Variants in PTPRD observed in about 807,000 individuals in gnomAD.
The protein encoded by PTPRD is protein tyrosine phosphatase receptor type D.
A neutral mutation model predicts 214.5 loss-of-function variants in PTPRD; 34 were observed. The ratio of observed to expected loss-of-function variants is 0.16; its 90% CI spans 0.12 to 0.21. PTPRD has a LOEUF of 0.21. PTPRD is among the 10% of genes least tolerant of loss of function. The probability of loss-of-function intolerance (pLI) is 1.00; values close to 1 mark genes in which losing one functional copy is unlikely to be tolerated. For synonymous variants in PTPRD, 1,128 were observed against 845.7 expected (o/e 1.33, Z -5.79); for missense variants, 2,545 against 2,398.7 (o/e 1.06, Z -1.27).
At position 10,126,953 on chromosome 9, in the gene PTPRD, T is replaced by G. The variant is rs1025456448; in HGVS notation, c.-544-93163A>C. Among the ~76,000 whole-genome samples, 115 of 151,784 alleles carry G rather than the reference T, an allele frequency of 7.6e-4. 3 individuals carry two copies. Among genetic ancestry groups the G allele is most frequent in the African/African-American group, 2.5e-3 (102 of 41,270 alleles). On this transcript the variant is annotated intron_variant, in intron 3 of 45. Transcript: ENST00000381196. The stretch of plus-strand genomic sequence containing the variant: ...CTCTGAGTCTCAAATGGACTTTTTT[T>G]TTTTTTTTTTGGCAGAAACACTGCA...
At chr9:9,422,193 T>A (rs777412918) in intron 8 of PTPRD, among the ~76,000 whole-genome samples, 1 of 152,114 alleles carries the variant, frequency 6.6e-6, no homozygotes, top group Non-Finnish European at 1.5e-5. Flanking sequence ...AATTATTATC[T>A]TTATTTTAAA....
At chr9:8,432,102 G>A (rs1333261120) in intron 35 of PTPRD, among the ~76,000 whole-genome samples, 1 of 152,162 alleles carries the variant, frequency 6.6e-6, no homozygotes, top group Non-Finnish European at 1.5e-5. Flanking sequence ...CTAAGATTTT[G>A]TTTGGCAAGG....
At chr9:9,307,751 A>G (rs1957580146) in intron 9 of PTPRD, among the ~76,000 whole-genome samples, 1 of 152,206 alleles carries the variant, frequency 6.6e-6, no homozygotes, top group Non-Finnish European at 1.5e-5. Context: ...TTAAAATTCA[A>G]AATCCTTAGC....
At chr9:10,293,982 A>G (rs1471087322) in intron 3 of PTPRD, among the ~76,000 whole-genome samples, 1 of 151,924 alleles carries the variant, frequency 6.6e-6, no homozygotes, top group East Asian at 1.9e-4. Flanking sequence ...TGTGTGACAG[A>G]TTTTCACTGA....
intron 3 of PTPRD, among the ~76,000 whole-genome samples, chr9:10,060,803 C>CTTTCTTT (rs1555531077): frequency 2.2e-4 from 23 of 103,238 alleles, no homozygotes; most frequent in African/African-American, 2.2e-3. Flanking sequence ...TTTCTTTCTT[C>CTTTCTTT]CTTTCTTTCT....
At position 9,591,866 on chromosome 9, in the gene PTPRD, T is replaced by C. The variant is rs188616677; in HGVS notation, c.-286-17085A>G. ...CCATTTTGAAATATACAATACATTG[T>C]CAACTATAGGCACTCTACTGTGTAG... is the stretch of plus-strand genomic sequence containing the variant. On this transcript the variant is annotated intron_variant, in intron 7 of 45. Coordinates refer to ENST00000381196, the MANE Select transcript of PTPRD (RefSeq NM_002839.4). Among the ~76,000 whole-genome samples the C allele has an allele frequency of 5.2e-3, 788 of 152,160 alleles. 4 individuals carry two copies. Among genetic ancestry groups the C allele is most frequent in the Non-Finnish European group, 7.1e-3 (483 of 67,976 alleles).
intron 5 of PTPRD, among the ~76,000 whole-genome samples, chr9:9,888,670 C>T (rs2071944154): frequency 6.6e-6 from 1 of 152,114 alleles, no homozygotes; most frequent in Non-Finnish European, 1.5e-5. Context: ...CGAAAGCTTC[C>T]TGAAGCCCTC....
intron 5 of PTPRD, among the ~76,000 whole-genome samples, chr9:9,820,659 A>G (rs2050395661): frequency 6.6e-6 from 1 of 152,056 alleles, no homozygotes; most frequent in African/African-American, 2.4e-5. Context: ...TTAATTTTAC[A>G]TATGGCAAAA....
chr9:9,619,926 T>C (rs1373219683), intron 7 of PTPRD, among the ~76,000 whole-genome samples: 1 of 151,060 alleles, frequency 6.6e-6, no homozygotes, highest in Non-Finnish European at 1.5e-5. Context: ...ATATGTAATA[T>C]AGATAGATAT....
intron 11 of PTPRD, among the ~76,000 whole-genome samples, chr9:8,923,964 A>G (rs2098845914): frequency 6.6e-6 from 1 of 152,250 alleles, no homozygotes; most frequent in South Asian, 2.1e-4. Flanking sequence ...AAACTGTATT[A>G]TACCATTTAC....
At chr9:8,663,896 T>G (rs948842681) in intron 12 of PTPRD, among the ~76,000 whole-genome samples, 2 of 145,166 alleles carry the variant, frequency 1.4e-5, no homozygotes, top group African/African-American at 5.0e-5. Context: ...CAAAGTGCAT[T>G]AAAAAAAAAA....
chr9:8,467,625 A>C (rs1349414295), intron 31 of PTPRD, among the ~76,000 whole-genome samples: 1 of 151,930 alleles, frequency 6.6e-6, no homozygotes, highest in African/African-American at 2.4e-5. Flanking sequence ...AATTTACTTA[A>C]TGATTACACA....
chr9:9,238,488 C>T (rs546802086), intron 9 of PTPRD, among the ~76,000 whole-genome samples: 20 of 152,032 alleles, frequency 1.3e-4, no homozygotes, highest in Admixed American at 1.0e-3. Context: ...AGGAAGGCCT[C>T]GGGCATCTGA....
In PTPRD at chr9:9,572,245, A is replaced by C. The variant is rs112620471; in HGVS notation, c.-237+2487T>G. ...AAAGCCATTATTTTTGGTGTTTCTCAAACTATGTTGTGAAAATACTTCTAT... is the reference window on the plus strand; with the variant it reads ...AAAGCCATTATTTTTGGTGTTTCTCCAACTATGTTGTGAAAATACTTCTAT... On this transcript the variant is annotated intron_variant, in intron 8 of 45. Coordinates refer to ENST00000381196, the MANE Select transcript of PTPRD (RefSeq NM_002839.4). Among the ~76,000 whole-genome samples, 1,181 of 151,548 alleles carry C rather than the reference A, an allele frequency of 7.8e-3. 6 individuals carry two copies. The highest frequency in any genetic ancestry group is 0.013 in the Non-Finnish European group (889 of 67,488).
chr9:8,365,652 T>C (rs2079643804), intron 39 of PTPRD, among the ~76,000 whole-genome samples: 1 of 152,126 alleles, frequency 6.6e-6, no homozygotes, highest in Non-Finnish European at 1.5e-5. Context: ...GAGTTGTTGT[T>C]TTCCCATCCA....
At chr9:8,549,364 G>A (rs1056263476) in intron 14 of PTPRD, among the ~76,000 whole-genome samples, 1 of 152,080 alleles carries the variant, frequency 6.6e-6, no homozygotes, top group African/African-American at 2.4e-5. Flanking sequence ...AAAGACACAA[G>A]AAGAGACAGA....
intron 3 of PTPRD, among the ~76,000 whole-genome samples, chr9:10,066,600 C>T (rs1299004381): frequency 3.3e-5 from 5 of 151,830 alleles, no homozygotes; most frequent in African/African-American, 1.2e-4. Flanking sequence ...GGACTTCCTA[C>T]TGCATAGCTT....
intron 3 of PTPRD, among the ~76,000 whole-genome samples, chr9:10,216,830 A>C (rs1324964998): frequency 6.6e-6 from 1 of 151,938 alleles, no homozygotes; most frequent in African/African-American, 2.4e-5. Flanking sequence ...TCAATAGCAA[A>C]ATTCTGCAAT....
intron 5 of PTPRD, among the ~76,000 whole-genome samples, chr9:9,779,323 G>C (rs2154488531): frequency 6.6e-6 from 1 of 152,064 alleles, no homozygotes; most frequent in African/African-American, 2.4e-5. Flanking sequence ...AGTTCTGAAA[G>C]CAATTACAAC....
Sources: gnomAD v4.1 joint callset for allele counts (sites outside exome capture counted in the v4.1 genomes callset) on GRCh38, gnomAD v4.1.1 for gene constraint, MANE v1.5 for transcripts, NCBI Gene and HGNC (gene_info 2026-07-23, HGNC 2026-07-21) for gene names.